EIF2A: variants seen among roughly 807,000 people sequenced by gnomAD.
EIF2A encodes 65 kDa eukaryotic translation initiation factor 2A.
A neutral mutation model predicts 75.2 loss-of-function variants in EIF2A; 62 were observed. That is an observed-to-expected ratio of 0.82 (90% confidence interval 0.67 to 1.02). The LOEUF is 1.02. EIF2A is among the 50% of genes least tolerant of loss of function. The pLI, the probability that EIF2A is intolerant of heterozygous loss-of-function variation, is 0.00. For missense variants in EIF2A, 611 were observed against 677.7 expected, an observed-to-expected ratio of 0.90 and a Z score of 1.09; for synonymous variants, 207 against 239.0, an observed-to-expected ratio of 0.87 and a Z score of 1.23.
intron 3 of EIF2A, 79 bp downstream of exon 3, chr3:150,558,541 G>T: frequency 5.7e-6 from 7 of 1,221,704 alleles, no homozygotes; most frequent in South Asian, 1.8e-5. Context: ...ACAGATATTT[G>T]AGTGTCATTA....
chr3:150,578,277 TATG>T (rs1023568625), intron 11 of EIF2A, among the ~76,000 whole-genome samples: 5 of 148,916 alleles, frequency 3.4e-5, no homozygotes, highest in African/African-American at 4.9e-5. Context: ...CATAATTACA[TATG>T]ATTATAATTA....
chr3:150,580,946 G>A (rs1294899366), intron 11 of EIF2A, among the ~76,000 whole-genome samples: 1 of 152,170 alleles, frequency 6.6e-6, no homozygotes, highest in Admixed American at 6.5e-5. Flanking sequence ...TTATTTCTGG[G>A]ATTTTCCATG....
At position 150,584,246 on chromosome 3, in the gene EIF2A, CTG is replaced by C. The variant is rs940107450; in HGVS notation, c.*337_*338del. The C allele has an allele frequency of 2.2e-5, 4 of 178,072 alleles. No individual in the cohort carries two copies. The highest frequency in any genetic ancestry group is 1.9e-4 in the South Asian group (1 of 5,254). The allele number at this position is 178,072 out of a possible 1,614,324, so 11.0% of individuals were successfully genotyped here. ...AACAAAGACATTTTAAATTTAATCA[CTG>C]TTTTTATTATAAGTTCCTTAGTTCA... On this transcript the variant is annotated 3_prime_UTR_variant, in exon 14 of 14. Transcript: ENST00000460851.
intron 12 of EIF2A, 76 bp downstream of exon 12, chr3:150,581,822 C>G (rs1725199233): frequency 6.7e-7 from 1 of 1,488,718 alleles, no homozygotes. Flanking sequence ...TACTTAGATG[C>G]CTAAAGACAG....
At chr3:150,575,564 C>A in intron 10 of EIF2A, 85 bp from the exon 11 acceptor site, 1 of 985,572 alleles carries the variant, frequency 1.0e-6, no homozygotes, top group Non-Finnish European at 1.5e-6. Flanking sequence ...ATAAGTTTAT[C>A]CTATATTAGC....
chr3:150,559,641 A>G (rs983290343), intron 3 of EIF2A, among the ~76,000 whole-genome samples: 1 of 151,702 alleles, frequency 6.6e-6, no homozygotes, highest in African/African-American at 2.4e-5. Context: ...CAGGCAGACA[A>G]CACCACATCT....
intron 2 of EIF2A, among the ~76,000 whole-genome samples, chr3:150,553,249 G>A (rs1468471983): frequency 6.6e-6 from 1 of 150,964 alleles, no homozygotes; most frequent in Non-Finnish European, 1.5e-5. Flanking sequence ...CTTGAAACCC[G>A]GAGGTGGAGG....
At chr3:150,583,080 ATT>A in intron 12 of EIF2A, 118 bp from the exon 13 acceptor site, 3 of 816,006 alleles carry the variant, frequency 3.7e-6, no homozygotes, top group Non-Finnish European at 5.7e-6. Flanking sequence ...TTAACAGACC[ATT>A]GTTGATACAA....
chr3:150,566,679 T>C (rs1377362947), intron 6 of EIF2A: 1 of 152,232 alleles, frequency 6.6e-6, no homozygotes, highest in East Asian at 1.9e-4. Context: ...CCAGGGATGA[T>C]AATTTGAGAA....
chr3:150,575,905 G>A (rs1046072999), intron 11 of EIF2A, 143 bp downstream of exon 11: 5 of 639,888 alleles, frequency 7.8e-6, no homozygotes, highest in African/African-American at 3.8e-5. Flanking sequence ...ACTGGCCAAC[G>A]TGGTGAAACC....
Position 150,572,450 on chromosome 3 carries a change from T to G in EIF2A, c.1304T>G (p.Val435Gly). The change falls in exon 10 of 14, where the codon GTA (valine) becomes GGA (glycine). Residue 435 changes from valine to glycine, a missense_variant. Transcript: ENST00000460851. ...ACTTACCAAGCAGTTCCAAGTGAAG[T>G]ACCCAATGAGGAACCTAAAGTTGCA... ...TITYQAVPSEVPNEEPKVATA... is the reference protein window; with the variant it reads ...TITYQAVPSEGPNEEPKVATA... 1 of 1,614,012 alleles carries G rather than the reference T, an allele frequency of 6.2e-7. No homozygotes were observed.
chr3:150,575,262 G>T (rs1559884514), intron 10 of EIF2A, among the ~76,000 whole-genome samples: 1 of 152,076 alleles, frequency 6.6e-6, no homozygotes, highest in Non-Finnish European at 1.5e-5. Flanking sequence ...GTAATTCTTT[G>T]TGTGAAGAAA....
intron 10 of EIF2A, among the ~76,000 whole-genome samples, chr3:150,573,583 C>T (rs1724672092): frequency 6.6e-6 from 1 of 152,118 alleles, no homozygotes; most frequent in African/African-American, 2.4e-5. Context: ...AAGATTTCTA[C>T]TAAATTGTTG....
rs762666800 is a variant in EIF2A at position 150,564,340 on chromosome 3, A to G, written c.434A>G (p.Asn145Ser). The change falls in exon 6 of 14, where the codon AAT becomes AGT. Residue 145 changes from asparagine to serine, a missense_variant. Physicochemically the swap from Asn to Ser is conservative, Grantham distance 46. Transcript: ENST00000460851. Reference protein sequence around the residue: ...WSEDETLCARNVNNEVHFFEN... With the variant: ...WSEDETLCARSVNNEVHFFEN... ...GAAGATGAAACTCTTTGTGCCCGCA[A>G]TGTTAACAATGAAGTTCACTTCTTT... 1.4e-5 allele frequency: 22 copies of G among 1,603,162 alleles called. No homozygotes were observed. The Admixed American group carries it at 1.4e-4, about 10-fold the overall frequency.
intron 2 of EIF2A, among the ~76,000 whole-genome samples, chr3:150,554,932 T>G (rs1346068927): frequency 7.3e-6 from 1 of 137,698 alleles, no homozygotes; most frequent in Non-Finnish European, 1.6e-5. Flanking sequence ...AGATGATTTA[T>G]ATGCACTTTT....
In EIF2A at chr3:150,547,702, A is replaced by G. The variant is rs150305826; in HGVS notation, c.28+872A>G. 8.5e-5 allele frequency among the ~76,000 whole-genome samples: 13 copies of G among 152,268 alleles called. No individual in the cohort carries two copies. In the East Asian group the frequency reaches 2.5e-3, roughly 29 times the overall value. On this transcript the variant is annotated intron_variant, in intron 1 of 13. Transcript: ENST00000460851. ...CCCTCCCTTCCCCCCCGCGAAAGGA[A>G]CCTTAAAACATTTTTGCACTTTTTG... is the stretch of plus-strand genomic sequence containing the variant.
At chr3:150,579,075 C>T (rs770956709) in intron 11 of EIF2A, among the ~76,000 whole-genome samples, 16 of 152,104 alleles carry the variant, frequency 1.1e-4, no homozygotes, top group Non-Finnish European at 2.4e-4. Flanking sequence ...TTATATATCA[C>T]TTAATTTTAA....
intron 1 of EIF2A, among the ~76,000 whole-genome samples, chr3:150,547,391 C>A (rs1183145764): frequency 6.6e-6 from 1 of 152,102 alleles, no homozygotes; most frequent in African/African-American, 2.4e-5. Context: ...GATATTCTAG[C>A]AACATTTGAT....
chr3:150,571,072 C>CA (rs1391602917), intron 9 of EIF2A, among the ~76,000 whole-genome samples: 7 of 149,768 alleles, frequency 4.7e-5, no homozygotes, highest in South Asian at 4.2e-4. Context: ...ATCTCAAAAA[C>CA]AAAAAAAAAT....
Sources: allele counts gnomAD v4.1 joint callset (sites outside exome capture counted in the v4.1 genomes callset), GRCh38; gene constraint gnomAD v4.1.1; transcripts MANE v1.5; gene names NCBI Gene and HGNC (gene_info 2026-07-23, HGNC 2026-07-21).